CDCA4: variants seen among roughly 807,000 people sequenced by gnomAD.
The protein encoded by CDCA4 is cell division cycle-associated protein 4.
For synonymous variants in CDCA4, 130 were observed against 137.0 expected, an observed-to-expected ratio of 0.95 and a Z score of 0.36; for missense variants, 294 against 322.1, an observed-to-expected ratio of 0.91 and a Z score of 0.67.
intron 1 of CDCA4, among the ~76,000 whole-genome samples, chr14:105,015,376 A>C (rs1900618643): frequency 2.6e-5 from 1 of 38,406 alleles, no homozygotes; most frequent in African/African-American, 4.5e-5. Flanking sequence ...ACCAACAAAC[A>C]ATGGCGGAAC....
rs562032763 is a variant in CDCA4 at position 105,017,484 on chromosome 14, A to G, written c.-7+3515T>C. Among the ~76,000 whole-genome samples, 4 of 150,950 alleles carry G rather than the reference A, an allele frequency of 2.6e-5. No individual in the cohort carries two copies. The South Asian group carries it at 8.8e-4, about 33-fold the overall frequency. ...AGTGATTTGCCCACCTCGGCCTCCC[A>G]AAGTGCTAGGATTACAGGAGTGAGC... On this transcript the variant is annotated intron_variant, in intron 1 of 1. Coordinates refer to ENST00000336219, the MANE Select transcript of CDCA4 (RefSeq NM_017955.4).
intron 1 of CDCA4, among the ~76,000 whole-genome samples, chr14:105,017,444 G>A (rs889687626): frequency 2.0e-5 from 3 of 151,908 alleles, no homozygotes; most frequent in Non-Finnish European, 4.4e-5. Context: ...GGCTGGTCTC[G>A]AACTCCTGAC....
At chr14:105,018,649 G>A (rs1886145982) in intron 1 of CDCA4, among the ~76,000 whole-genome samples, 1 of 152,092 alleles carries the variant, frequency 6.6e-6, no homozygotes, top group African/African-American at 2.4e-5. Flanking sequence ...TGTGACTTCT[G>A]CCTGAGGCTG....
In CDCA4 at chr14:105,009,806, C is replaced by A. The variant is rs552634982; in HGVS notation, c.*1398G>T. ...GGGGGAAATAAAAGTAACCCAGCGT[C>A]CATTTAATGCAGCCAAGTGCAATTC... On this transcript the variant is annotated 3_prime_UTR_variant, in exon 2 of 2. Coordinates refer to ENST00000336219, the MANE Select transcript of CDCA4 (RefSeq NM_017955.4). 5.3e-5 allele frequency: 8 copies of A among 152,288 alleles called. No individual in the cohort carries two copies. Among genetic ancestry groups the A allele is most frequent in the African/African-American group, 1.9e-4 (8 of 41,558 alleles). The allele number at this position is 152,288 out of a possible 1,614,324, so 9.4% of individuals were successfully genotyped here.
At chr14:105,018,696 A>C (rs1886147115) in intron 1 of CDCA4, among the ~76,000 whole-genome samples, 1 of 151,396 alleles carries the variant, frequency 6.6e-6, no homozygotes, top group African/African-American at 2.4e-5. Flanking sequence ...AAAGGGCCCT[A>C]TACCATACCG....
intron 1 of CDCA4, among the ~76,000 whole-genome samples, chr14:105,015,940 G>T (rs1470579833): frequency 6.6e-6 from 1 of 151,650 alleles, no homozygotes; most frequent in Non-Finnish European, 1.5e-5. Context: ...GACTACAGGC[G>T]TCAGCCACCG....
intron 1 of CDCA4, among the ~76,000 whole-genome samples, chr14:105,019,565 G>A (rs1227610937): frequency 6.6e-6 from 1 of 152,216 alleles, no homozygotes; most frequent in Non-Finnish European, 1.5e-5. Context: ...TCACACATCA[G>A]ATAAGCTTTG....
intron 1 of CDCA4, among the ~76,000 whole-genome samples, chr14:105,015,855 T>C (rs1900638635): frequency 6.6e-6 from 1 of 152,284 alleles, no homozygotes; most frequent in African/African-American, 2.4e-5. Context: ...AGTAGAGACT[T>C]ACCATGTTGG....
intron 1 of CDCA4, among the ~76,000 whole-genome samples, chr14:105,020,203 A>G (rs1463774808): frequency 6.6e-6 from 1 of 152,216 alleles, no homozygotes; most frequent in Non-Finnish European, 1.5e-5. Flanking sequence ...GTGACACTTG[A>G]AAATAGAGTG....
chr14:105,015,445 T>G (rs983939794), intron 1 of CDCA4, among the ~76,000 whole-genome samples: 1 of 152,262 alleles, frequency 6.6e-6, no homozygotes, highest in Non-Finnish European at 1.5e-5. Flanking sequence ...AAACCAGCCC[T>G]TTACCTTCAG....
Position 105,011,763 on chromosome 14 carries a change from A to G in CDCA4, c.167T>C (p.Leu56Pro). Residue 56 changes from leucine (L) to proline (P), a missense_variant, in exon 2 of 2, where the codon CTG becomes CCG. Coordinates refer to ENST00000336219, the MANE Select transcript of CDCA4 (RefSeq NM_017955.4). ...GTTGGCAATGAGGACTGAGCGGCAC[A>G]GGTTGGGCTCCACAAGCATGTGGCA... is the stretch of plus-strand genomic sequence containing the variant. ...QLCHMLVEPNLCRSVLIANTV... is the reference protein window; with the variant it reads ...QLCHMLVEPNPCRSVLIANTV... The G allele has an allele frequency of 6.2e-7, 1 of 1,613,742 alleles. No homozygotes were observed. Among genetic ancestry groups the G allele is most frequent in the Non-Finnish European group, 8.5e-7 (1 of 1,180,038 alleles).
chr14:105,011,566 T>C lies in CDCA4; in HGVS notation c.364A>G (p.Thr122Ala). 5.0e-6 allele frequency: 8 copies of C among 1,614,038 alleles called. No homozygotes were observed. Among genetic ancestry groups the C allele is most frequent in the Non-Finnish European group, 6.8e-6 (8 of 1,180,000 alleles). ...HPAPGLGDGH[T>A]QGPVSDLCPV... is the part of the protein sequence containing the mutation. ...CAAAGGTCAGAAACTGGACCCTGTG[T>C]GTGGCCGTCCCCCAAGCCAGGAGCA... The change falls in exon 2 of 2, where the codon ACA (threonine) becomes GCA (alanine). Residue 122 changes from threonine (T) to alanine (A), a missense_variant. By Grantham distance (58) the Thr-to-Ala change is moderately conservative. Coordinates refer to ENST00000336219, the MANE Select transcript of CDCA4 (RefSeq NM_017955.4).
Position 105,010,759 on chromosome 14 carries a change from T to G in CDCA4, c.*445A>C, listed in dbSNP as rs1900478133. On this transcript the variant is annotated 3_prime_UTR_variant, in exon 2 of 2. Transcript: ENST00000336219. ...GCAAAGGATGTTTATAGAAAAAATA[T>G]ACTTTTAAGAAAATAGCTGAAAAAA... 6.3e-6 allele frequency: 1 copy of G among 159,370 alleles called. No homozygotes were observed. Among genetic ancestry groups the G allele is most frequent in the Non-Finnish European group, 1.4e-5 (1 of 73,042 alleles). 9.9% of individuals were successfully genotyped at this position (159,370 alleles called of 1,614,324 possible). A position where few individuals can be genotyped will look rare whatever the true frequency, so the allele number is the denominator to read the frequency against.
At position 105,011,243 on chromosome 14, in the gene CDCA4, G is replaced by A. The variant is rs572420251; in HGVS notation, c.687C>T (p.Gly229=). The A allele has an allele frequency of 1.5e-5, 24 of 1,612,938 alleles. No individual in the cohort carries two copies. Among genetic ancestry groups the A allele is most frequent in the South Asian group, 5.5e-5 (5 of 90,982 alleles). Residue 229 remains glycine (G), a synonymous_variant, in exon 2 of 2, where the codon GGC becomes GGT. Transcript: ENST00000336219. ...GPSSSCKSDL[G]ELDHVVEILV... ...GGATCTCCACCACGTGGTCCAGCTC[G>A]CCCAGGTCGGACTTGCAGCTGGAGC...
chr14:105,012,461 G>A (rs892474850), intron 1 of CDCA4, among the ~76,000 whole-genome samples: 2 of 152,358 alleles, frequency 1.3e-5, no homozygotes, highest in East Asian at 3.9e-4. Flanking sequence ...AGTCACTTCT[G>A]CGTTCAGAAG....
At chr14:105,014,038 A>G in intron 1 of CDCA4, among the ~76,000 whole-genome samples, 1 of 152,218 alleles carries the variant, frequency 6.6e-6, no homozygotes, top group East Asian at 1.9e-4. Flanking sequence ...ATCCTTCCAC[A>G]GGGGCATTAG....
intron 1 of CDCA4, among the ~76,000 whole-genome samples, chr14:105,013,850 T>A (rs909267383): frequency 2.6e-5 from 4 of 152,196 alleles, no homozygotes; most frequent in African/African-American, 9.7e-5. Context: ...AAAAAGCCAA[T>A]GTTCATGCAA....
intron 1 of CDCA4, among the ~76,000 whole-genome samples, chr14:105,016,183 T>C (rs964248124): frequency 8.5e-5 from 13 of 152,198 alleles, no homozygotes; most frequent in African/African-American, 2.2e-4. Flanking sequence ...CAGCTCACCA[T>C]AGACAATCTG....
chr14:105,013,570 C>T lies in CDCA4; in HGVS notation c.-6-1635G>A, dbSNP rs1595453425. ...GGTATACCCAGGTGCTCTTGGAAAG[C>T]TGGCGTATGGGAGGCACATGCTGTC... On this transcript the variant is annotated intron_variant, in intron 1 of 1. Coordinates refer to ENST00000336219, the MANE Select transcript of CDCA4 (RefSeq NM_017955.4). Among the ~76,000 whole-genome samples the T allele has an allele frequency of 1.3e-5, 2 of 152,292 alleles. 1 individual carries two copies. Among genetic ancestry groups the T allele is most frequent in the South Asian group, 4.1e-4 (2 of 4,828 alleles).
Sources: gnomAD v4.1 joint callset for allele counts (sites outside exome capture counted in the v4.1 genomes callset) on GRCh38, gnomAD v4.1.1 for gene constraint, MANE v1.5 for transcripts, NCBI Gene and HGNC (gene_info 2026-07-23, HGNC 2026-07-21) for gene names.